Variants in SYN2 observed in about 807,000 individuals in gnomAD.
SYN2 encodes the protein synapsin-2.
A neutral mutation model predicts 50.9 loss-of-function variants in SYN2; 19 were observed. The ratio of observed to expected loss-of-function variants is 0.37; its 90% CI spans 0.26 to 0.55. SYN2 has a LOEUF of 0.55. SYN2 is among the 20% of genes least tolerant of loss of function. The probability of loss-of-function intolerance (pLI) is 0.81; values close to 1 mark genes in which losing one functional copy is unlikely to be tolerated. For synonymous variants in SYN2, 255 were observed against 224.9 expected, an observed-to-expected ratio of 1.13 and a Z score of -1.20; for missense variants, 587 against 576.4, an observed-to-expected ratio of 1.02 and a Z score of -0.19.
At chr3:12,051,282 G>T (rs1694857140) in intron 1 of SYN2, among the ~76,000 whole-genome samples, 1 of 151,574 alleles carries the variant, frequency 6.6e-6, no homozygotes, top group Admixed American at 6.6e-5. Flanking sequence ...ATAAAACTGT[G>T]GCAAGGGGAA....
intron 1 of SYN2, among the ~76,000 whole-genome samples, chr3:12,057,323 G>GTGTGTGTGTC (rs1553611276): frequency 7.0e-6 from 1 of 142,088 alleles, no homozygotes; most frequent in Non-Finnish European, 1.6e-5. Flanking sequence ...GTGTGTGTGT[G>GTGTGTGTGTC]TATACTTTTT....
intron 1 of SYN2, among the ~76,000 whole-genome samples, chr3:12,016,099 A>G (rs1398657410): frequency 6.6e-6 from 1 of 152,204 alleles, no homozygotes; most frequent in Admixed American, 6.5e-5. Context: ...TCTAGATTCC[A>G]GTGATATAGT....
intron 1 of SYN2, among the ~76,000 whole-genome samples, chr3:12,018,040 A>G (rs907804531): frequency 6.6e-6 from 1 of 152,206 alleles, no homozygotes; most frequent in Admixed American, 6.5e-5. Context: ...TACTAATACT[A>G]TTCTCATTTT....
chr3:12,083,747 G>A (rs1372878588), intron 1 of SYN2, among the ~76,000 whole-genome samples: 1 of 152,144 alleles, frequency 6.6e-6, no homozygotes, highest in African/African-American at 2.4e-5. Context: ...TGAGAATGAT[G>A]GAGCCTAACC....
intron 1 of SYN2, among the ~76,000 whole-genome samples, chr3:12,021,435 A>G (rs755720257): frequency 5.9e-5 from 9 of 152,152 alleles, no homozygotes; most frequent in Non-Finnish European, 1.0e-4. Flanking sequence ...ATGTATTTCT[A>G]TGAGTATACC....
chr3:12,174,000 A>ACTCCCTC (rs1203265852), intron 10 of SYN2, among the ~76,000 whole-genome samples: 1 of 151,564 alleles, frequency 6.6e-6, no homozygotes, highest in Admixed American at 6.6e-5. Context: ...ACAGCTGACT[A>ACTCCCTC]CTCCCTCCTC....
Position 12,060,197 on chromosome 3 carries a change from T to G in SYN2, c.377+55269T>G, listed in dbSNP as rs549885564. Among the ~76,000 whole-genome samples the G allele has an allele frequency of 3.3e-5, 5 of 152,300 alleles. No homozygotes were observed. In the South Asian group the frequency reaches 6.2e-4, roughly 19 times the overall value. ...GGAGATTGAGAAACTCCTGGGTCTG[T>G]AGTCTTAACAGTGGCATCACATTTT... On this transcript the variant is annotated intron_variant, in intron 1 of 12. Transcript: ENST00000621198.
chr3:12,014,791 G>A (rs1473444244), intron 1 of SYN2, among the ~76,000 whole-genome samples: 2 of 152,034 alleles, frequency 1.3e-5, no homozygotes, highest in Non-Finnish European at 2.9e-5. Context: ...CAGCTTTTTT[G>A]GCTTCCTGTT....
At chr3:12,141,136 T>C (rs973483885) in intron 2 of SYN2, among the ~76,000 whole-genome samples, 4 of 152,144 alleles carry the variant, frequency 2.6e-5, no homozygotes, top group African/African-American at 9.7e-5. Flanking sequence ...GAGGCTATAC[T>C]TTAGAGGAAA....
chr3:12,084,998 G>GA (rs36190055), intron 1 of SYN2, among the ~76,000 whole-genome samples: 123,725 of 149,998 alleles, frequency 0.82, 51,097 homozygotes, highest in East Asian at 0.96. Flanking sequence ...AATTAACTAG[G>GA]AAAAAAAAAA....
At chr3:12,176,963 G>A (rs1463350747) in intron 10 of SYN2, among the ~76,000 whole-genome samples, 2 of 152,158 alleles carry the variant, frequency 1.3e-5, no homozygotes. Flanking sequence ...AAGGCACATG[G>A]TGAAAGGGGA....
chr3:12,105,087 G>A (rs911585635), intron 1 of SYN2, among the ~76,000 whole-genome samples: 11 of 152,138 alleles, frequency 7.2e-5, no homozygotes, highest in Admixed American at 2.6e-4. Flanking sequence ...CATGAGTTGA[G>A]AGGGAACTGC....
chr3:12,043,077 C>T (rs960143257), intron 1 of SYN2, among the ~76,000 whole-genome samples: 2 of 150,278 alleles, frequency 1.3e-5, no homozygotes, highest in Non-Finnish European at 3.0e-5. Flanking sequence ...GGCTGGAGTG[C>T]GATGGGGTGA....
At chr3:12,125,016 A>G (rs1696638370) in intron 1 of SYN2, among the ~76,000 whole-genome samples, 1 of 151,716 alleles carries the variant, frequency 6.6e-6, no homozygotes, top group African/African-American at 2.4e-5. Flanking sequence ...GCTGCTGAGG[A>G]TTTTTCTTTT....
rs1038923063 is a variant in SYN2 at position 12,180,270 on chromosome 3, A to G, written c.1309-3042A>G. Among the ~76,000 whole-genome samples the G allele has an allele frequency of 3.3e-5, 5 of 150,654 alleles. No individual in the cohort carries two copies. In the South Asian group the frequency reaches 6.3e-4, roughly 19 times the overall value. ...TGGGTTTTTTTTTTTTTATGCTACT[A>G]TAAGGTCATTTATTCCCCTTCCGTT... On this transcript the variant is annotated intron_variant, in intron 10 of 12. Coordinates refer to ENST00000621198, the MANE Select transcript of SYN2 (RefSeq NM_133625.6).
At chr3:12,125,871 C>CA (rs1696657596) in intron 1 of SYN2, among the ~76,000 whole-genome samples, 1 of 145,244 alleles carries the variant, frequency 6.9e-6, no homozygotes, top group African/African-American at 2.5e-5. Context: ...ACAAAACACA[C>CA]AAAAAAACTG....
chr3:12,071,370 C>T (rs929461872), intron 1 of SYN2: 11 of 560,148 alleles, frequency 2.0e-5, no homozygotes, highest in Admixed American at 5.7e-5. Flanking sequence ...CTAAATGGAC[C>T]GTAAGCAGAT....
At chr3:12,130,712 G>T (rs1253326904) in intron 1 of SYN2, among the ~76,000 whole-genome samples, 5 of 152,220 alleles carry the variant, frequency 3.3e-5, no homozygotes, top group Admixed American at 3.3e-4. Context: ...AGGCAGTGGT[G>T]AGTGTGAGGT....
intron 1 of SYN2, among the ~76,000 whole-genome samples, chr3:12,041,484 G>GGT (rs1694609098): frequency 6.6e-6 from 1 of 152,148 alleles, no homozygotes; most frequent in African/African-American, 2.4e-5. Flanking sequence ...GGTTTAGTGA[G>GGT]GTCAACACAG....
Sources: gnomAD v4.1 joint callset for allele counts (sites outside exome capture counted in the v4.1 genomes callset) on GRCh38, gnomAD v4.1.1 for gene constraint, MANE v1.5 for transcripts, NCBI Gene and HGNC (gene_info 2026-07-23, HGNC 2026-07-21) for gene names.